Variants in SEC14L3 observed in about 807,000 individuals in gnomAD.
The protein encoded by SEC14L3 is SEC14-like protein 3.
In SEC14L3, 56 loss-of-function variants were observed where a neutral mutation model predicts 57.4. The ratio of observed to expected loss-of-function variants is 0.97; its 90% CI spans 0.79 to 1.22. SEC14L3 has a LOEUF of 1.22. Ranked by LOEUF, SEC14L3 falls within the 50% of genes most tolerant of loss-of-function variation. The probability of loss-of-function intolerance (pLI) is 0.00; values close to 1 mark genes in which losing one functional copy is unlikely to be tolerated. For synonymous variants in SEC14L3, 173 were observed against 194.4 expected, an observed-to-expected ratio of 0.89 and a Z score of 0.92; for missense variants, 485 against 511.7, an observed-to-expected ratio of 0.95 and a Z score of 0.50.
intron 12 of SEC14L3, among the ~76,000 whole-genome samples, chr22:30,451,230 AC>A (rs1320669472): frequency 1.3e-5 from 2 of 152,104 alleles, no homozygotes; most frequent in Non-Finnish European, 2.9e-5. Flanking sequence ...CACCATGAGA[AC>A]AGGTTCTGGG....
At chr22:30,465,609 C>T (rs539306606) in intron 7 of SEC14L3, among the ~76,000 whole-genome samples, 31 of 152,292 alleles carry the variant, frequency 2.0e-4, no homozygotes, top group Non-Finnish European at 3.2e-4. Context: ...ACCAACTAAC[C>T]AACCTGCTAA....
At chr22:30,452,246 CTTTTTTTTT>C (rs750537241) in intron 12 of SEC14L3, among the ~76,000 whole-genome samples, 1 of 90,026 alleles carries the variant, frequency 1.1e-5, no homozygotes, top group Non-Finnish European at 2.1e-5. Context: ...TTCTTTCTTT[CTTTTTTTTT>C]TTTTTTTTTT....
At position 30,471,960 on chromosome 22, in the gene SEC14L3, G is replaced by T; in HGVS notation, c.-2C>A. ...CAGGTCTCCAACTCGGCCGCTCATG[G>T]TGCTGGCTGGGGCTTGAGGAGTGGT... On this transcript the variant is annotated 5_prime_UTR_variant, in exon 1 of 12. Coordinates refer to ENST00000215812, the MANE Select transcript of SEC14L3 (RefSeq NM_174975.5). The T allele has an allele frequency of 6.2e-7, 1 of 1,605,842 alleles. No homozygotes were observed. Among genetic ancestry groups the T allele is most frequent in the Non-Finnish European group, 8.5e-7 (1 of 1,176,004 alleles).
At chr22:30,461,727 G>T (rs376958078) in intron 9 of SEC14L3, 33 bp from the exon 10 acceptor site, 1 of 1,593,762 alleles carries the variant, frequency 6.3e-7, no homozygotes, top group South Asian at 1.1e-5. Flanking sequence ...GCTTGCTTCC[G>T]TCTCCTGGCC....
chr22:30,449,422 A>G (rs907804290), intron 12 of SEC14L3, among the ~76,000 whole-genome samples: 1 of 152,142 alleles, frequency 6.6e-6, no homozygotes, highest in Non-Finnish European at 1.5e-5. Context: ...GTACTTTTTC[A>G]TGCATAAAAG....
chr22:30,471,153 C>T (rs5997659), intron 1 of SEC14L3: 155,558 of 357,640 alleles, frequency 0.43, 34,951 homozygotes, highest in Non-Finnish European at 0.48. Flanking sequence ...GGTGTGGTGG[C>T]ACATGCCTGT....
downstream of SEC14L3, among the ~76,000 whole-genome samples, chr22:30,457,377 CTTT>C (rs60894978): frequency 3.9e-3 from 533 of 136,648 alleles, 14 homozygotes; most frequent in African/African-American, 0.012. Context: ...TTAAGTATGT[CTTT>C]TTTTTTTTTT....
intron 11 of SEC14L3, among the ~76,000 whole-genome samples, chr22:30,460,642 T>C (rs1935223299): frequency 6.6e-6 from 1 of 151,662 alleles, no homozygotes; most frequent in Non-Finnish European, 1.5e-5. Flanking sequence ...GAGAGCAGCC[T>C]GACCAACATG....
At chr22:30,471,355 T>C in intron 1 of SEC14L3, 1 of 444,078 alleles carries the variant, frequency 2.3e-6, no homozygotes, top group South Asian at 1.6e-5. Context: ...TTTGGATGCA[T>C]TCTTAGTTCC....
chr22:30,470,134 G>A, intron 3 of SEC14L3, 56 bp from the exon 4 acceptor site: 1 of 1,612,456 alleles, frequency 6.2e-7, no homozygotes, highest in South Asian at 1.1e-5. Context: ...CTGAGAACAG[G>A]GATGGAAGGA....
chr22:30,453,171 T>C (rs1935020253), intron 12 of SEC14L3, among the ~76,000 whole-genome samples: 1 of 152,210 alleles, frequency 6.6e-6, no homozygotes, highest in South Asian at 2.1e-4. Context: ...AACATCTTAG[T>C]ATTGTCATAT....
At chr22:30,459,154 TG>T (rs569063118), downstream of SEC14L3, 1,269 of 549,900 alleles carry the variant, frequency 2.3e-3, 5 homozygotes, top group Middle Eastern at 6.5e-3. Context: ...GCCTTGGGGA[TG>T]GCATGAGAAT....
intron 8 of SEC14L3, among the ~76,000 whole-genome samples, chr22:30,463,354 C>G (rs1381599564): frequency 1.3e-5 from 2 of 152,204 alleles, no homozygotes; most frequent in East Asian, 3.8e-4. Flanking sequence ...TCCCCCAACC[C>G]CCTCACTTTG....
rs948517615 is a variant in SEC14L3, at chr22:30,470,716, G to A, written c.55-134C>T. ...CACATTGATGAAAGGATGGGTTAAT[G>A]GTTGAATAGAAGGGCAGATGGATCA... On this transcript the variant is annotated intron_variant, in intron 1 of 11. Coordinates refer to ENST00000215812, the MANE Select transcript of SEC14L3 (RefSeq NM_174975.5). 11 of 1,502,828 alleles carry A rather than the reference G, an allele frequency of 7.3e-6. No individual in the cohort carries two copies. In the African/African-American group the frequency reaches 1.4e-4, roughly 19 times the overall value. The allele number at this position is 1,502,828 out of a possible 1,614,324, so 93.1% of individuals were successfully genotyped here. A position where few individuals can be genotyped will look rare whatever the true frequency, so the allele number is the denominator to read the frequency against.
Position 30,449,246 on chromosome 22 carries a change from T to A in SEC14L3, c.905-2A>T, listed in dbSNP as rs1432586365. 1 of 1,550,170 alleles carries A rather than the reference T, an allele frequency of 6.5e-7. No individual in the cohort carries two copies. ...ACTTCCCAGACTCACTTTCCACATC[T>A]GTAAAATTGAGGTGGTTATGAGAAA... On this transcript the variant is annotated splice_acceptor_variant, in intron 12 of 12. Transcript: ENST00000403066. LOFTEE classifies it high-confidence loss of function.
In SEC14L3 at chr22:30,459,745, A is replaced by C; in HGVS notation, c.*276T>G. On this transcript the variant is annotated 3_prime_UTR_variant, in exon 12 of 12. Coordinates refer to ENST00000215812, the MANE Select transcript of SEC14L3 (RefSeq NM_174975.5). The stretch of plus-strand genomic sequence containing the variant: ...GGTAGGTGAGGACAAAGGCTAGGGG[A>C]TTCATTTTGCTATTTATTGAGTTTC... 1 of 1,129,080 alleles carries C rather than the reference A, an allele frequency of 8.9e-7. No individual in the cohort carries two copies. The highest frequency in any genetic ancestry group is 1.1e-6 in the Non-Finnish European group (1 of 916,424). The allele number at this position is 1,129,080 out of a possible 1,614,324, so 69.9% of individuals were successfully genotyped here.
At chr22:30,448,713 A>G (rs1934924479) in exon 13 of SEC14L3, 1 of 171,266 alleles carries the variant, frequency 5.8e-6, no homozygotes, top group Non-Finnish European at 1.3e-5. Context: ...TCTACCAAAA[A>G]AAAAAAAGAA....
chr22:30,461,826 C>A, intron 9 of SEC14L3, 132 bp from the exon 10 acceptor site: 1 of 1,281,210 alleles, frequency 7.8e-7, no homozygotes, highest in Non-Finnish European at 1.1e-6. Flanking sequence ...CCTCCTCAAG[C>A]CTTCTATGAC....
In SEC14L3 at chr22:30,459,978, G is replaced by T; in HGVS notation, c.*43C>A. The T allele has an allele frequency of 6.2e-7, 1 of 1,603,964 alleles. No individual in the cohort carries two copies. Among genetic ancestry groups the T allele is most frequent in the Non-Finnish European group, 8.5e-7 (1 of 1,173,488 alleles). ...GGAGGGAGTGTAGGATATAAACAGAGAAATCAAAGGGTTAGGAGGTCTCTG... is the reference window on the plus strand; with the variant it reads ...GGAGGGAGTGTAGGATATAAACAGATAAATCAAAGGGTTAGGAGGTCTCTG... On this transcript the variant is annotated 3_prime_UTR_variant, in exon 12 of 12. Transcript: ENST00000215812.
Sources: gnomAD v4.1 joint callset for allele counts (sites outside exome capture counted in the v4.1 genomes callset) on GRCh38, gnomAD v4.1.1 for gene constraint, MANE v1.5 for transcripts, NCBI Gene and HGNC (gene_info 2026-07-23, HGNC 2026-07-21) for gene names.